NPL: variants seen among roughly 807,000 people sequenced by gnomAD.
The protein encoded by NPL is N-acetylneuraminate lyase.
A neutral mutation model predicts 41.1 loss-of-function variants in NPL; 32 were observed. That is an observed-to-expected ratio of 0.78 (90% CI 0.59 to 1.05). The LOEUF (loss-of-function observed/expected upper bound fraction) is 1.05. NPL is among the 50% of genes least tolerant of loss of function. The pLI, the probability that NPL is intolerant of heterozygous loss-of-function variation, is 0.00. For synonymous variants in NPL, 128 were observed against 134.9 expected (o/e 0.95, Z 0.35); for missense variants, 321 against 378.4 (o/e 0.85, Z 1.26).
rs369901524 is a variant in NPL at position 182,814,818 on chromosome 1, C to T, written c.324C>T (p.Ile108=). The T allele has an allele frequency of 8.7e-6, 14 of 1,613,920 alleles. No individual in the cohort carries two copies. The East Asian group carries it at 8.9e-5, about 10-fold the overall frequency. ...CAGCAGAAATAGGAGCTGATGGCAT[C>T]GCTGTCATTGCACCGTTCTTCCTCA... ...QHAAEIGADG[I]AVIAPFFLKP... The change falls in exon 7 of 13, where the codon ATC becomes ATT. Residue 108 remains isoleucine, a synonymous_variant. Coordinates refer to ENST00000367553, the MANE Select transcript of NPL (RefSeq NM_030769.3).
chr1:182,824,195 G>A (rs1459186375), intron 11 of NPL, among the ~76,000 whole-genome samples: 1 of 152,118 alleles, frequency 6.6e-6, no homozygotes, highest in Admixed American at 6.5e-5. Flanking sequence ...ATAAGGCAAT[G>A]GTTAAATACA....
intron 5 of NPL, among the ~76,000 whole-genome samples, chr1:182,810,508 C>T (rs1231426130): frequency 1.3e-5 from 2 of 152,144 alleles, no homozygotes; most frequent in Admixed American, 6.5e-5. Flanking sequence ...TAAAACAATG[C>T]TTAACCAAAA....
chr1:182,822,752 A>T (rs1326470688), intron 11 of NPL, among the ~76,000 whole-genome samples: 1 of 152,226 alleles, frequency 6.6e-6, no homozygotes, highest in Non-Finnish European at 1.5e-5. Flanking sequence ...GCAGAAGCTG[A>T]TATGTTGCAC....
intron 10 of NPL, among the ~76,000 whole-genome samples, chr1:182,819,197 C>T (rs1273550625): frequency 6.6e-6 from 1 of 152,180 alleles, no homozygotes; most frequent in African/African-American, 2.4e-5. Flanking sequence ...TGGCTCACGC[C>T]TGTAATCCCA....
At chr1:182,820,785 C>A (rs1667468037) in intron 10 of NPL, among the ~76,000 whole-genome samples, 2 of 152,174 alleles carry the variant, frequency 1.3e-5, no homozygotes, top group South Asian at 4.1e-4. Context: ...GAAACTGCCC[C>A]TGTAATCCAA....
intron 4 of NPL, among the ~76,000 whole-genome samples, chr1:182,805,236 C>A (rs1428190087): frequency 6.6e-6 from 1 of 152,000 alleles, no homozygotes; most frequent in African/African-American, 2.4e-5. Flanking sequence ...TCAAGACCAG[C>A]CTGCCCAACA....
At chr1:182,816,854 T>C (rs1473316833) in intron 8 of NPL, 48 bp downstream of exon 8, 1 of 1,434,298 alleles carries the variant, frequency 7.0e-7, no homozygotes, top group Non-Finnish European at 9.8e-7. Flanking sequence ...CTCTCACATC[T>C]TACCCTATTA....
At chr1:182,802,262 G>A (rs887684219) in intron 3 of NPL, among the ~76,000 whole-genome samples, 1 of 152,180 alleles carries the variant, frequency 6.6e-6, no homozygotes, top group African/African-American at 2.4e-5. Flanking sequence ...CTTTATAATT[G>A]CATTAACACA....
At chr1:182,823,211 T>C (rs937769092) in intron 11 of NPL, among the ~76,000 whole-genome samples, 2 of 152,154 alleles carry the variant, frequency 1.3e-5, no homozygotes, top group Admixed American at 6.5e-5. Context: ...AGAAGCAAGA[T>C]TGGAGCAAAT....
chr1:182,799,019 G>A (rs562064736), intron 3 of NPL, among the ~76,000 whole-genome samples: 3 of 152,332 alleles, frequency 2.0e-5, no homozygotes, highest in South Asian at 4.1e-4. Flanking sequence ...TATGAAAATA[G>A]CCTGTCCTGT....
intron 2 of NPL, among the ~76,000 whole-genome samples, chr1:182,792,774 T>C (rs1045350576): frequency 6.6e-6 from 1 of 152,254 alleles, no homozygotes; most frequent in Non-Finnish European, 1.5e-5. Context: ...AAGTATCGTG[T>C]TGTCTTTCTA....
intron 1 of NPL, among the ~76,000 whole-genome samples, chr1:182,790,831 C>CG (rs1286293850): frequency 6.6e-6 from 1 of 152,016 alleles, no homozygotes; most frequent in Non-Finnish European, 1.5e-5. Context: ...TTAGTAGAGA[C>CG]GGGGTTTGGC....
chr1:182,826,058 C>T, intron 12 of NPL: 1 of 584,548 alleles, frequency 1.7e-6, no homozygotes, highest in Non-Finnish European at 3.1e-6. Flanking sequence ...TCCATTCTTT[C>T]TCTCCTAAAC....
chr1:182,829,347 G>A lies in NPL; in HGVS notation c.*439G>A. On this transcript the variant is annotated 3_prime_UTR_variant, in exon 13 of 13. Transcript: ENST00000367553. ...ACTCTGAGCTACTGCATTTAGGCAG[G>A]CACTTTAATACCAAACTGTAACATG... 1.6e-6 allele frequency: 2 copies of A among 1,238,314 alleles called. No individual in the cohort carries two copies. Among genetic ancestry groups the A allele is most frequent in the Non-Finnish European group, 2.0e-6 (2 of 987,610 alleles). 76.7% of individuals were successfully genotyped at this position (1,238,314 alleles called of 1,614,324 possible). A position where few individuals can be genotyped will look rare whatever the true frequency, so the allele number is the denominator to read the frequency against.
At chr1:182,825,190 T>C (rs1274157595) in intron 11 of NPL, among the ~76,000 whole-genome samples, 1 of 152,218 alleles carries the variant, frequency 6.6e-6, no homozygotes, top group Non-Finnish European at 1.5e-5. Flanking sequence ...ATACCAATAC[T>C]GATATTTTGA....
At chr1:182,796,807 T>C (rs752516969) in intron 3 of NPL, among the ~76,000 whole-genome samples, 1 of 151,978 alleles carries the variant, frequency 6.6e-6, no homozygotes, top group Non-Finnish European at 1.5e-5. Flanking sequence ...GAGGCCGAGG[T>C]GGGCGGATCA....
chr1:182,791,002 CTTT>C (rs1380816435), intron 1 of NPL, among the ~76,000 whole-genome samples: 1 of 152,140 alleles, frequency 6.6e-6, no homozygotes, highest in Non-Finnish European at 1.5e-5. Context: ...AGGCAGCAAA[CTTT>C]TACGTAGTGT....
intron 10 of NPL, among the ~76,000 whole-genome samples, chr1:182,819,233 G>T (rs1014459256): frequency 6.6e-6 from 1 of 152,150 alleles, no homozygotes; most frequent in Non-Finnish European, 1.5e-5. Flanking sequence ...AAGGCGGGTG[G>T]ATCACGAGAT....
intron 1 of NPL, chr1:182,791,264 G>A (rs1666508914): frequency 6.6e-6 from 1 of 152,098 alleles, no homozygotes; most frequent in Non-Finnish European, 1.5e-5. Flanking sequence ...CTGCTGGAAT[G>A]GATAAAGTGA....
Sources: allele counts gnomAD v4.1 joint callset (sites outside exome capture counted in the v4.1 genomes callset), GRCh38; gene constraint gnomAD v4.1.1; transcripts MANE v1.5; gene names NCBI Gene and HGNC (gene_info 2026-07-23, HGNC 2026-07-21).